The following RASSF3 variants were observed in gnomAD, a reference collection of about 807,000 sequenced individuals.
The protein encoded by RASSF3 is Ras association domain family member 3, also known as ras association domain-containing protein 3.
RASSF3 carries 19 observed loss-of-function variants against 19.9 expected under a neutral mutation model. The ratio of observed to expected loss-of-function variants is 0.96; its 90% CI spans 0.67 to 1.40. RASSF3 has a LOEUF of 1.40. Among genes scored for constraint, RASSF3 ranks in the 40% most tolerant of loss-of-function variants. RASSF3 has a pLI of 0.00. For missense variants in RASSF3, 306 were observed against 289.8 expected (o/e 1.06, Z -0.41); for synonymous variants, 110 against 104.2 (o/e 1.06, Z -0.34).
chr12:64,525,832 GC>G (rs1868573810), intron 1 of RASSF3, among the ~76,000 whole-genome samples: 1 of 152,126 alleles, frequency 6.6e-6, no homozygotes, highest in Non-Finnish European at 1.5e-5. Flanking sequence ...GAGAATAAAG[GC>G]CATTTGATTC....
chr12:64,663,840 C>CTTTTTT (rs34450092), intron 1 of RASSF3, among the ~76,000 whole-genome samples: 12 of 73,074 alleles, frequency 1.6e-4, no homozygotes, highest in Admixed American at 3.3e-4. Context: ...TTAGCCTTGC[C>CTTTTTT]TTTTTTTTTT....
At chr12:64,634,843 C>T (rs1304832851) in intron 1 of RASSF3, among the ~76,000 whole-genome samples, 1 of 150,626 alleles carries the variant, frequency 6.6e-6, no homozygotes, top group African/African-American at 2.4e-5. Flanking sequence ...TGATGTTTAT[C>T]CTTCTTAGTG....
chr12:64,587,720 G>T (rs745562428), intron 2 of RASSF3, among the ~76,000 whole-genome samples: 19 of 152,176 alleles, frequency 1.2e-4, no homozygotes, highest in Non-Finnish European at 2.4e-4. Flanking sequence ...CACAGTTGTG[G>T]CTTCTATACT....
At chr12:64,534,563 A>AC (rs1868781447) in intron 1 of RASSF3, among the ~76,000 whole-genome samples, 2 of 152,226 alleles carry the variant, frequency 1.3e-5, no homozygotes, top group South Asian at 4.1e-4. Context: ...CTTTACTCTC[A>AC]CCAGTGGCTG....
intron 1 of RASSF3, among the ~76,000 whole-genome samples, chr12:64,636,122 T>G (rs1399547138): frequency 5.1e-5 from 4 of 78,172 alleles, no homozygotes; most frequent in Admixed American, 1.3e-4. Context: ...AACTTACGGT[T>G]TTTTTTTTTT....
intron 1 of RASSF3, among the ~76,000 whole-genome samples, chr12:64,633,641 A>G (rs11175479): frequency 0.14 from 21,007 of 152,158 alleles, 1,530 homozygotes; most frequent in Middle Eastern, 0.17. Context: ...ATACTCTTTT[A>G]TAGCAATGAA....
chr12:64,602,589 AG>A (rs201754120), intron 2 of RASSF3, among the ~76,000 whole-genome samples: 2,921 of 150,510 alleles, frequency 0.019, 89 homozygotes, highest in African/African-American at 0.069. Context: ...CAAAAAAAAA[AG>A]AAAAAAGAAA....
At chr12:64,617,365 G>A (rs1023853806) in intron 1 of RASSF3, among the ~76,000 whole-genome samples, 5 of 152,054 alleles carry the variant, frequency 3.3e-5, no homozygotes, top group African/African-American at 1.2e-4. Context: ...TCTAACCTCT[G>A]GGGTTAGGGT....
At chr12:64,671,457 T>G (rs1872700186) in intron 1 of RASSF3, among the ~76,000 whole-genome samples, 1 of 152,154 alleles carries the variant, frequency 6.6e-6, no homozygotes, top group Admixed American at 6.5e-5. Context: ...CCAGCCTGTG[T>G]TCCTGGCATT....
At chr12:64,631,401 T>G (rs906424945) in intron 1 of RASSF3, among the ~76,000 whole-genome samples, 1 of 151,248 alleles carries the variant, frequency 6.6e-6, no homozygotes, top group Non-Finnish European at 1.5e-5. Flanking sequence ...GGGTGGTGAG[T>G]GAATAGTGCA....
rs746065430 is a variant in RASSF3, at chr12:64,691,494, G to A, written c.482G>A (p.Arg161Gln). The change falls in exon 4 of 5, where the codon CGG becomes CAG. Residue 161 changes from arginine to glutamine, a missense_variant. Arg to Gln is a conservative substitution (Grantham distance 43). Coordinates refer to ENST00000542104, the MANE Select transcript of RASSF3 (RefSeq NM_178169.4). ...GTCTACGCCTGCAAGCTCTCAGACC[G>A]GGAACATCCACTCTACCTGCGTTTG... is the stretch of plus-strand genomic sequence containing the variant. ...DQVYACKLSDREHPLYLRLVA... is the reference protein window; with the variant it reads ...DQVYACKLSDQEHPLYLRLVA... The A allele has an allele frequency of 2.1e-5, 34 of 1,613,716 alleles. No individual in the cohort carries two copies. The highest frequency in any genetic ancestry group is 1.3e-4 in the Admixed American group (8 of 59,984).
chr12:64,579,193 GA>G (rs902065739), intron 2 of RASSF3, among the ~76,000 whole-genome samples: 6 of 152,090 alleles, frequency 3.9e-5, no homozygotes, highest in Non-Finnish European at 8.8e-5. Context: ...AACCGTGTTA[GA>G]AAGTCTGCAC....
intron 1 of RASSF3, among the ~76,000 whole-genome samples, chr12:64,668,772 T>C (rs947941937): frequency 6.6e-6 from 1 of 151,378 alleles, no homozygotes; most frequent in Middle Eastern, 3.4e-3. Context: ...AGCTCTGCCT[T>C]CCGGGTTCAC....
chr12:64,661,630 G>A (rs1388313127), intron 1 of RASSF3, among the ~76,000 whole-genome samples: 1 of 151,110 alleles, frequency 6.6e-6, no homozygotes, highest in Non-Finnish European at 1.5e-5. Flanking sequence ...AGGTGTTTAA[G>A]TGCAGCCTGG....
downstream of RASSF3, among the ~76,000 whole-genome samples, chr12:64,546,663 A>G (rs971005701): frequency 6.6e-6 from 1 of 152,214 alleles, no homozygotes; most frequent in African/African-American, 2.4e-5. Flanking sequence ...TTTAAAGGTG[A>G]TGAATGATAA....
At chr12:64,571,062 A>G (rs1160185422) in intron 2 of RASSF3, among the ~76,000 whole-genome samples, 1 of 152,104 alleles carries the variant, frequency 6.6e-6, no homozygotes, top group Non-Finnish European at 1.5e-5. Context: ...TACTAAAAAT[A>G]CAAAAATCAG....
At chr12:64,676,273 C>T (rs1872898350) in intron 1 of RASSF3, among the ~76,000 whole-genome samples, 1 of 149,260 alleles carries the variant, frequency 6.7e-6, no homozygotes, top group South Asian at 2.1e-4. Flanking sequence ...TCTCCTGCCT[C>T]AGCCTCCTGA....
chr12:64,630,090 G>T (rs1365799788), intron 1 of RASSF3: 2 of 151,894 alleles, frequency 1.3e-5, no homozygotes, highest in East Asian at 3.9e-4. Flanking sequence ...TTTCAGTTAT[G>T]AAATATTTGA....
chr12:64,598,240 TC>T (rs1565846301), intron 2 of RASSF3, among the ~76,000 whole-genome samples: 2 of 152,190 alleles, frequency 1.3e-5, no homozygotes, highest in Admixed American at 6.5e-5. Context: ...CTTATCACAT[TC>T]TTCTGACTTT....
Sources: allele counts gnomAD v4.1 joint callset (sites outside exome capture counted in the v4.1 genomes callset), GRCh38; gene constraint gnomAD v4.1.1; transcripts MANE v1.5; gene names NCBI Gene and HGNC (gene_info 2026-07-23, HGNC 2026-07-21).